Variants in UGGT2 observed in about 807,000 individuals in gnomAD.
The protein encoded by UGGT2 is UDP-glucose glycoprotein glucosyltransferase 2.
A neutral mutation model predicts 192.1 loss-of-function variants in UGGT2; 180 were observed. The ratio of observed to expected loss-of-function variants is 0.94; its 90% CI spans 0.83 to 1.06. UGGT2 has a LOEUF of 1.06. UGGT2 is among the 50% of genes least tolerant of loss of function. The pLI is 0.00. For synonymous variants in UGGT2, 580 were observed against 591.0 expected (o/e 0.98, Z 0.27); for missense variants, 1,849 against 1,795.7 (o/e 1.03, Z -0.54).
At chr13:95,955,049 G>A (rs2050173801) in intron 12 of UGGT2, among the ~76,000 whole-genome samples, 1 of 152,182 alleles carries the variant, frequency 6.6e-6, no homozygotes, top group Non-Finnish European at 1.5e-5. Context: ...ACAAATCACT[G>A]AATTACTTAA....
intron 12 of UGGT2, 123 bp from the exon 13 acceptor site, chr13:95,949,577 T>A: frequency 5.2e-6 from 5 of 955,428 alleles, no homozygotes; most frequent in Non-Finnish European, 7.0e-6. Context: ...TCTGATTAAA[T>A]AGAGGAGCTA....
At chr13:95,881,254 T>G (rs551069189) in intron 27 of UGGT2, among the ~76,000 whole-genome samples, 124 of 152,208 alleles carry the variant, frequency 8.1e-4, no homozygotes, top group African/African-American at 2.5e-3. Context: ...ATCCACTGAG[T>G]GGGTGGGGGT....
chr13:95,811,008 T>C (rs1566533598), intron 38 of UGGT2, among the ~76,000 whole-genome samples: 2 of 152,154 alleles, frequency 1.3e-5, no homozygotes, highest in South Asian at 2.1e-4. Context: ...AATAAGATGG[T>C]GAACATCATT....
intron 5 of UGGT2, among the ~76,000 whole-genome samples, chr13:96,007,529 A>G (rs758637907): frequency 1.3e-5 from 2 of 152,192 alleles, no homozygotes; most frequent in Non-Finnish European, 2.9e-5. Flanking sequence ...TTTGCAAACA[A>G]TATGATCTTA....
chr13:95,906,115 A>G (rs1011455805), intron 20 of UGGT2, among the ~76,000 whole-genome samples: 6 of 152,156 alleles, frequency 3.9e-5, no homozygotes, highest in Non-Finnish European at 8.8e-5. Flanking sequence ...TTTATGCTTT[A>G]AGATTATTTT....
At chr13:95,952,474 CTA>C (rs1460305668) in intron 12 of UGGT2, among the ~76,000 whole-genome samples, 1 of 152,180 alleles carries the variant, frequency 6.6e-6, no homozygotes, top group Non-Finnish European at 1.5e-5. Context: ...TAAATCATCT[CTA>C]GATTACACGT....
At chr13:95,950,478 G>C (rs2050023238) in intron 12 of UGGT2, among the ~76,000 whole-genome samples, 2 of 151,266 alleles carry the variant, frequency 1.3e-5, no homozygotes, top group Non-Finnish European at 2.9e-5. Flanking sequence ...CTGGCACTGA[G>C]GATACCAGAA....
rs1355531699 is a variant in UGGT2 at position 95,856,346 on chromosome 13, AAC to A, written c.3826-8_3826-7del. The stretch of plus-strand genomic sequence containing the variant: ...GCCATGTGAGGAATTACTTCCTAAA[AAC>A]ACACACACAAAATCAAACAATATGT... On this transcript the variant is annotated splice_polypyrimidine_tract_variant and splice_region_variant and intron_variant, in intron 33 of 38. Transcript: ENST00000376747. 4.4e-6 allele frequency: 7 copies of A among 1,598,382 alleles called. No homozygotes were observed. Among genetic ancestry groups the A allele is most frequent in the East Asian group, 2.2e-5 (1 of 44,686 alleles).
intron 12 of UGGT2, among the ~76,000 whole-genome samples, chr13:95,958,011 A>G (rs1166547591): frequency 6.6e-6 from 1 of 152,228 alleles, no homozygotes; most frequent in African/African-American, 2.4e-5. Flanking sequence ...AAACATCTAT[A>G]TAACAAGTCA....
At chr13:95,858,170 T>C (rs1467145773) in intron 33 of UGGT2, among the ~76,000 whole-genome samples, 2 of 151,952 alleles carry the variant, frequency 1.3e-5, no homozygotes, top group Non-Finnish European at 2.9e-5. Context: ...CTATAAAGGA[T>C]GATTCTTGCT....
At chr13:95,904,550 GT>G (rs1303824776) in intron 20 of UGGT2, among the ~76,000 whole-genome samples, 2,942 of 149,794 alleles carry the variant, frequency 0.02, 93 homozygotes, top group African/African-American at 0.069. Flanking sequence ...GCGGTGTTTG[GT>G]TTTTTGTTCT....
At chr13:95,834,719 T>A (rs1242537232) in intron 37 of UGGT2, among the ~76,000 whole-genome samples, 1 of 152,160 alleles carries the variant, frequency 6.6e-6, no homozygotes, top group African/African-American at 2.4e-5. Flanking sequence ...GTATTGGTAT[T>A]GCTATTGCTA....
At chr13:96,045,309 C>A (rs1420469263) in intron 1 of UGGT2, among the ~76,000 whole-genome samples, 1 of 152,078 alleles carries the variant, frequency 6.6e-6, no homozygotes, top group Admixed American at 6.6e-5. Flanking sequence ...AAACTCTCAA[C>A]AAAATCGGCA....
chr13:95,877,717 G>A lies in UGGT2; in HGVS notation c.3368C>T (p.Thr1123Ile). The change falls in exon 28 of 39, where the codon ACA (threonine) becomes ATA (isoleucine). Residue 1123 changes from threonine (T) to isoleucine (I), a missense_variant. Thr to Ile is a moderately conservative substitution (Grantham distance 89). Coordinates refer to ENST00000376747, the MANE Select transcript of UGGT2 (RefSeq NM_020121.4). ...GTKNKPAVVD[T>I]IVMAHHGYFQ... ...ACTTACATGATGTGCCATCACTATT[G>A]TATCAACCACAGCAGGTTTATTTTT... 1 of 1,613,782 alleles carries A rather than the reference G, an allele frequency of 6.2e-7. No homozygotes were observed. Among genetic ancestry groups the A allele is most frequent in the Non-Finnish European group, 8.5e-7 (1 of 1,179,870 alleles).
intron 20 of UGGT2, among the ~76,000 whole-genome samples, chr13:95,908,773 T>C (rs1450721816): frequency 6.7e-5 from 9 of 133,668 alleles, no homozygotes; most frequent in East Asian, 4.2e-4. Context: ...TCATGTCCTT[T>C]GCCCACTTTT....
intron 29 of UGGT2, among the ~76,000 whole-genome samples, chr13:95,872,971 G>A (rs887643870): frequency 9.2e-5 from 14 of 152,156 alleles, no homozygotes; most frequent in Non-Finnish European, 1.8e-4. Context: ...AGGGAGGTAG[G>A]ATTATTCCCT....
intron 38 of UGGT2, among the ~76,000 whole-genome samples, chr13:95,823,835 T>TA (rs1212006768): frequency 6.6e-6 from 1 of 152,102 alleles, no homozygotes; most frequent in Non-Finnish European, 1.5e-5. Flanking sequence ...GTTGTTGTGT[T>TA]AGTTTTACAG....
intron 2 of UGGT2, among the ~76,000 whole-genome samples, chr13:96,024,526 CT>C (rs2052607691): frequency 6.6e-6 from 1 of 152,154 alleles, no homozygotes; most frequent in African/African-American, 2.4e-5. Flanking sequence ...CTACTCTTCC[CT>C]GGGTGTAACC....
intron 1 of UGGT2, among the ~76,000 whole-genome samples, chr13:96,040,549 T>C (rs1338488278): frequency 6.6e-6 from 1 of 152,162 alleles, no homozygotes; most frequent in African/African-American, 2.4e-5. Flanking sequence ...TGTGGACATA[T>C]CTTTTTGAGG....
Sources: allele counts gnomAD v4.1 joint callset (sites outside exome capture counted in the v4.1 genomes callset), GRCh38; gene constraint gnomAD v4.1.1; transcripts MANE v1.5; gene names NCBI Gene and HGNC (gene_info 2026-07-23, HGNC 2026-07-21).